The following SUGCT variants were observed in gnomAD, a reference collection of about 807,000 sequenced individuals.
The protein encoded by SUGCT is succinyl-CoA:glutarate CoA-transferase.
In SUGCT, 41 loss-of-function variants were observed where a neutral mutation model predicts 55.0. The ratio of observed to expected loss-of-function variants is 0.74; its 90% CI spans 0.58 to 0.97. The LOEUF (loss-of-function observed/expected upper bound fraction) is 0.97. Ranked by LOEUF, SUGCT falls within the 50% of genes least tolerant of loss-of-function variation. SUGCT has a pLI of 0.00. For missense variants in SUGCT, 568 were observed against 547.8 expected (o/e 1.04, Z -0.37); for synonymous variants, 187 against 200.4 (o/e 0.93, Z 0.56).
rs529823280 is a variant in SUGCT, at chr7:40,251,909, G to A, written c.576+14183G>A. On this transcript the variant is annotated intron_variant, in intron 7 of 13. Transcript: ENST00000335693. ...GTTCTCCTTTCTTCGGTTGTTAATAGGACCAATTTGTATGACCTAGGAAAA... is the reference window on the plus strand; with the variant it reads ...GTTCTCCTTTCTTCGGTTGTTAATAAGACCAATTTGTATGACCTAGGAAAA... Among the ~76,000 whole-genome samples the A allele has an allele frequency of 2.2e-4, 33 of 149,956 alleles. 1 individual carries two copies. The East Asian group carries it at 6.3e-3, about 29-fold the overall frequency.
chr7:40,357,452 C>T (rs980835110), intron 9 of SUGCT, among the ~76,000 whole-genome samples: 3 of 152,140 alleles, frequency 2.0e-5, no homozygotes, highest in Non-Finnish European at 4.4e-5. Flanking sequence ...CTACCACATG[C>T]GTGACACTGT....
chr7:40,566,713 C>G (rs1187839393), intron 12 of SUGCT, among the ~76,000 whole-genome samples: 1 of 152,112 alleles, frequency 6.6e-6, no homozygotes, highest in Non-Finnish European at 1.5e-5. Context: ...GTGGTATAAC[C>G]CGTGAGCAGG....
Position 40,238,178 on chromosome 7 carries a change from T to C in SUGCT, c.576+452T>C, listed in dbSNP as rs910944188. 7.2e-5 allele frequency among the ~76,000 whole-genome samples: 11 copies of C among 152,196 alleles called. No homozygotes were observed. In the South Asian group the frequency reaches 1.7e-3, roughly 23 times the overall value. On this transcript the variant is annotated intron_variant, in intron 7 of 13. Coordinates refer to ENST00000335693, the MANE Select transcript of SUGCT (RefSeq NM_001193313.2). ...GTGTACATAGCAGAGGGTCTATTTT[T>C]CCTTTTGGAAAAATATAGGTAGTTA...
At chr7:40,768,180 T>G (rs1454101445) in intron 13 of SUGCT, among the ~76,000 whole-genome samples, 1 of 152,108 alleles carries the variant, frequency 6.6e-6, no homozygotes, top group East Asian at 1.9e-4. Flanking sequence ...TTGGGCTTCT[T>G]CTCCTCCATT....
rs1192387768 is a variant in SUGCT at position 40,249,341 on chromosome 7, A to ATATATATATATATATATG, written c.576+11621_576+11622insTATATATATATGTATATA. Among the ~76,000 whole-genome samples, 216 of 131,526 alleles carry ATATATATATATATATATG rather than the reference A, an allele frequency of 1.6e-3. 3 individuals are homozygous for ATATATATATATATATATG. The highest frequency in any genetic ancestry group is 2.2e-3 in the Non-Finnish European group (136 of 62,978). The allele number at this position is 131,526 out of a possible 152,430, so 86.3% of individuals were successfully genotyped here. On this transcript the variant is annotated intron_variant, in intron 7 of 13. Coordinates refer to ENST00000335693, the MANE Select transcript of SUGCT (RefSeq NM_001193313.2). Reference sequence around the variant, plus strand: ...TATATATATATATATATATATATATATATATAATTATATTATATAGAATAT... The same window carrying ATATATATATATATATATG: ...TATATATATATATATATATATATATATATATATATATATATATGTATATAATTATATTATATAGAATAT...
chr7:40,269,783 T>C (rs1023341163), intron 7 of SUGCT, among the ~76,000 whole-genome samples: 1 of 152,232 alleles, frequency 6.6e-6, no homozygotes, highest in Non-Finnish European at 1.5e-5. Flanking sequence ...TCTATTGAGA[T>C]CTTTTGCCCA....
intron 9 of SUGCT, among the ~76,000 whole-genome samples, chr7:40,390,103 C>T (rs1265602245): frequency 6.6e-6 from 1 of 152,176 alleles, no homozygotes; most frequent in Non-Finnish European, 1.5e-5. Flanking sequence ...GCTAAAAACT[C>T]TCAATAAAGT....
chr7:40,869,632 G>T, the SUGCT span, among the ~76,000 whole-genome samples: 3 of 151,994 alleles, frequency 2.0e-5, no homozygotes, highest in Non-Finnish European at 4.4e-5. Flanking sequence ...GGAGTAATTT[G>T]CTATGCAGTG....
chr7:40,876,622 C>CGGA, the SUGCT span, among the ~76,000 whole-genome samples: 1 of 152,220 alleles, frequency 6.6e-6, no homozygotes, highest in Admixed American at 6.5e-5. Context: ...CATTTGTCTT[C>CGGA]TTTCCTTCTA....
chr7:40,882,758 T>C, the SUGCT span, among the ~76,000 whole-genome samples: 2 of 152,328 alleles, frequency 1.3e-5, no homozygotes, highest in South Asian at 2.1e-4. Flanking sequence ...ATTTCCTGGT[T>C]CAAGTTTGAA....
intron 1 of SUGCT, among the ~76,000 whole-genome samples, chr7:40,147,055 T>TTC (rs35015692): frequency 1.3e-5 from 2 of 150,344 alleles, no homozygotes; most frequent in African/African-American, 2.5e-5. Context: ...TCTCTCTTTC[T>TTC]TCTCTCTTTC....
chr7:40,492,601 G>A (rs1047124579), intron 11 of SUGCT, among the ~76,000 whole-genome samples: 8 of 152,210 alleles, frequency 5.3e-5, no homozygotes, highest in African/African-American at 1.9e-4. Context: ...TGGGGCACGG[G>A]AGATTTCAGA....
chr7:40,551,952 CAG>C (rs1247337981), intron 12 of SUGCT, among the ~76,000 whole-genome samples: 1 of 152,162 alleles, frequency 6.6e-6, no homozygotes, highest in African/African-American at 2.4e-5. Flanking sequence ...CAGAGCCTAT[CAG>C]ACTCATCAAA....
the SUGCT span, chr7:40,968,194 A>G: frequency 2.0e-5 from 3 of 152,238 alleles, no homozygotes; most frequent in Admixed American, 1.3e-4. Flanking sequence ...ACTAGAAAAG[A>G]ATAAAATAGG....
At chr7:40,784,094 A>G (rs1256760460) in intron 13 of SUGCT, among the ~76,000 whole-genome samples, 1 of 152,170 alleles carries the variant, frequency 6.6e-6, no homozygotes, top group Non-Finnish European at 1.5e-5. Context: ...TCTATCCCTG[A>G]GTATGATACC....
At chr7:40,315,988 T>C (rs1382341714) in intron 8 of SUGCT, among the ~76,000 whole-genome samples, 1 of 152,194 alleles carries the variant, frequency 6.6e-6, no homozygotes, top group Non-Finnish European at 1.5e-5. Context: ...TGAACTATTG[T>C]AGATTTGTCA....
intron 7 of SUGCT, among the ~76,000 whole-genome samples, chr7:40,243,884 A>T (rs564550504): frequency 6.6e-6 from 1 of 152,302 alleles, no homozygotes; most frequent in African/African-American, 2.4e-5. Flanking sequence ...TAACTTGATG[A>T]TGTATAGGCA....
At chr7:40,739,986 A>G (rs2128703656) in intron 12 of SUGCT, among the ~76,000 whole-genome samples, 1 of 152,290 alleles carries the variant, frequency 6.6e-6, no homozygotes, top group South Asian at 2.1e-4. Context: ...CATTAAACTT[A>G]TACATTTTGG....
At chr7:40,431,928 A>G (rs1047868016) in intron 9 of SUGCT, among the ~76,000 whole-genome samples, 1 of 152,132 alleles carries the variant, frequency 6.6e-6, no homozygotes. Context: ...AGGTGGAATC[A>G]TTGTTGGTTT....
Sources: allele counts gnomAD v4.1 joint callset (sites outside exome capture counted in the v4.1 genomes callset), GRCh38; gene constraint gnomAD v4.1.1; transcripts MANE v1.5; gene names NCBI Gene and HGNC (gene_info 2026-07-23, HGNC 2026-07-21).